Variants in MROH2A observed in about 807,000 individuals in gnomAD.
The protein encoded by MROH2A is maestro heat-like repeat-containing protein family member 2A.
Under a neutral mutation model 200.4 loss-of-function variants are expected in MROH2A, and 174 were observed. That is an observed-to-expected ratio of 0.87 (90% CI 0.77 to 0.98). MROH2A has a LOEUF of 0.98. MROH2A is among the 50% of genes least tolerant of loss of function. The pLI is 0.00. For synonymous variants in MROH2A, 829 were observed against 840.4 expected, an observed-to-expected ratio of 0.99 and a Z score of 0.23; for missense variants, 2,045 against 2,139.6, an observed-to-expected ratio of 0.96 and a Z score of 0.87.
In MROH2A at chr2:233,804,046, T is replaced by A. The variant is rs568560692; in HGVS notation, c.1750-5T>A. On this transcript the variant is annotated splice_polypyrimidine_tract_variant and splice_region_variant and intron_variant, in intron 16 of 41. Coordinates refer to ENST00000389758, the MANE Select transcript of MROH2A (RefSeq NM_001394639.1). ...CTACTTCACTGGAGCCTTGGTGCCCTCCAGGTGCTGATGTCATCACCTTAC... is the reference window on the plus strand; with the variant it reads ...CTACTTCACTGGAGCCTTGGTGCCCACCAGGTGCTGATGTCATCACCTTAC... The A allele has an allele frequency of 1.6e-5, 25 of 1,550,366 alleles. No individual in the cohort carries two copies. In the African/African-American group the frequency reaches 3.1e-4, roughly 20 times the overall value.
In MROH2A at chr2:233,810,875, T is replaced by A. The variant is rs776424659; in HGVS notation, c.2530T>A (p.Phe844Ile). Residue 844 changes from phenylalanine to isoleucine, a missense_variant, in exon 23 of 42, where the codon TTT becomes ATT. Around this residue, in one of 3 missense-constraint regions of MROH2A, gnomAD observed 1,201 missense variants for 1,311.3 expected, o/e 0.92. Transcript: ENST00000389758. The stretch of plus-strand genomic sequence containing the variant: ...CAACAACATCAAGGACCTGGAGGAC[T>A]TTCACTTTGCCCAGAAGACGACTCT... ...AINNIKDLED[F>I]HFAQKTTLTS... 2.8e-5 allele frequency: 44 copies of A among 1,550,414 alleles called. No individual in the cohort carries two copies. The highest frequency in any genetic ancestry group is 3.8e-5 in the Non-Finnish European group (44 of 1,146,866).
In MROH2A at chr2:233,802,309, A is replaced by G. The variant is rs1357975579; in HGVS notation, c.1702A>G (p.Arg568Gly). ...GGATGTCAGCGTGGCTGGCAAGAGC[A>G]GGCAAGGTGGGCAAAGTTCCTGTCC... The part of the protein sequence containing the change: ...DVDVSVAGKS[R>G]QVDLPAPQKL... The change falls in exon 15 of 42, where the codon AGG (arginine) becomes GGG (glycine). Residue 568 changes from arginine to glycine, a missense_variant. Physicochemically the swap from Arg to Gly is moderately radical, Grantham distance 125 (BLOSUM62 -2). Coordinates refer to ENST00000389758, the MANE Select transcript of MROH2A (RefSeq NM_001394639.1). 1 of 1,549,532 alleles carries G rather than the reference A, an allele frequency of 6.5e-7. No homozygotes were observed. The highest frequency in any genetic ancestry group is 2.0e-5 in the Admixed American group (1 of 50,970).
chr2:233,812,060 C>T (rs1405316596), intron 24 of MROH2A, 101 bp downstream of exon 24: 41 of 817,258 alleles, frequency 5.0e-5, no homozygotes, highest in Non-Finnish European at 7.4e-5. Flanking sequence ...TTTTCCTCTC[C>T]TCCCTCTGTA....
intron 19 of MROH2A, 33 bp downstream of exon 19, chr2:233,805,144 AAGG>A: frequency 2.1e-6 from 3 of 1,444,866 alleles, no homozygotes; most frequent in Non-Finnish European, 2.8e-6. Flanking sequence ...GAGTTTGGAC[AAGG>A]AGTAGACTCC....
chr2:233,824,073 C>T (rs528808974), intron 35 of MROH2A, among the ~76,000 whole-genome samples: 1 of 152,278 alleles, frequency 6.6e-6, no homozygotes, highest in East Asian at 1.9e-4. Flanking sequence ...GCAATGATGC[C>T]CAATGCACCC....
At chr2:233,796,114 C>A (rs1035680386) in intron 10 of MROH2A, 69 bp downstream of exon 10, 1 of 1,516,636 alleles carries the variant, frequency 6.6e-7, no homozygotes, top group South Asian at 1.2e-5. Flanking sequence ...GAGTCCCGGC[C>A]CCTCTGAGCG....
intron 3 of MROH2A, among the ~76,000 whole-genome samples, chr2:233,788,673 C>T (rs1190304420): frequency 6.6e-6 from 1 of 151,522 alleles, no homozygotes; most frequent in Non-Finnish European, 1.5e-5. Flanking sequence ...CGTGGTGGCT[C>T]ACGCCTGTAA....
At chr2:233,823,346 T>A (rs922982203) in intron 34 of MROH2A, among the ~76,000 whole-genome samples, 1 of 152,160 alleles carries the variant, frequency 6.6e-6, no homozygotes, top group Non-Finnish European at 1.5e-5. Flanking sequence ...TAGTCCCCTT[T>A]GTAAAAAGGA....
chr2:233,804,969 T>C, intron 18 of MROH2A, 35 bp from the exon 19 acceptor site: 1 of 1,339,090 alleles, frequency 7.5e-7, no homozygotes, highest in South Asian at 1.3e-5. Context: ...ATGAAGGCCT[T>C]TGGCCCTTCT....
In MROH2A at chr2:233,816,828, G is replaced by T; in HGVS notation, c.2904G>T (p.Lys968Asn). The T allele has an allele frequency of 6.4e-7, 1 of 1,550,490 alleles. No homozygotes were observed. Among genetic ancestry groups the T allele is most frequent in the Non-Finnish European group, 8.7e-7 (1 of 1,146,940 alleles). The change falls in exon 27 of 42, where the codon AAG (lysine) becomes AAT (asparagine). Residue 968 changes from lysine to asparagine, a missense_variant. This residue lies in a region of MROH2A where 1,201 missense variants were observed against 1,311.3 expected (regional missense o/e 0.92). Transcript: ENST00000389758. Reference protein sequence around the residue: ...ILSEKEWEREKAVSLHLYLMW... With the variant: ...ILSEKEWERENAVSLHLYLMW... ...CGGAGAAAGAATGGGAGCGGGAAAA[G>T]GCCGTGAGCCTCCATCTCTATCTCA... is the stretch of plus-strand genomic sequence containing the variant.
chr2:233,832,792 C>A (rs1047001469), intron 41 of MROH2A, 148 bp downstream of exon 41: 2 of 638,998 alleles, frequency 3.1e-6, no homozygotes, highest in African/African-American at 1.8e-5. Flanking sequence ...GAGAGATGCA[C>A]CTGGGGAGGC....
intron 9 of MROH2A, 62 bp downstream of exon 9, chr2:233,795,807 G>T: frequency 6.5e-7 from 1 of 1,550,324 alleles, no homozygotes; most frequent in Non-Finnish European, 8.7e-7. Context: ...GGAAGCTGGC[G>T]GCGGGAGGTG....
At chr2:233,813,940 A>G (rs1030462721) in intron 25 of MROH2A, among the ~76,000 whole-genome samples, 162 bp downstream of exon 25, 5 of 152,210 alleles carry the variant, frequency 3.3e-5, no homozygotes, top group Non-Finnish European at 7.3e-5. Flanking sequence ...CTAGCTGTTG[A>G]AACATAAACC....
At chr2:233,779,621 C>T in intron 2 of MROH2A, 50 bp from the exon 3 acceptor site, 1 of 1,533,470 alleles carries the variant, frequency 6.5e-7, no homozygotes, top group Non-Finnish European at 8.8e-7. Context: ...AAGGGCACCT[C>T]CTGTCATGGT....
intron 10 of MROH2A, 25 bp downstream of exon 10, chr2:233,796,070 C>T (rs1192855827): frequency 6.5e-7 from 1 of 1,548,122 alleles, no homozygotes; most frequent in African/African-American, 1.4e-5. Context: ...CAGGGTGCTC[C>T]CTGCCTGCCC....
chr2:233,777,620 C>G (rs897986444), upstream of MROH2A, among the ~76,000 whole-genome samples: 15 of 152,234 alleles, frequency 9.9e-5, no homozygotes, highest in African/African-American at 2.7e-4. Context: ...AATGAGCTCC[C>G]TCGTATTGGA....
intron 39 of MROH2A, among the ~76,000 whole-genome samples, chr2:233,831,821 CAT>C (rs1704776435): frequency 6.6e-6 from 1 of 152,192 alleles, no homozygotes. Flanking sequence ...ATCATTTCAA[CAT>C]GTAATCAGTA....
Position 233,820,032 on chromosome 2 carries a change from T to A in MROH2A, c.3488T>A (p.Leu1163Gln). The A allele has an allele frequency of 6.5e-7, 1 of 1,537,930 alleles. No homozygotes were observed. The highest frequency in any genetic ancestry group is 8.8e-7 in the Non-Finnish European group (1 of 1,138,936). Residue 1163 changes from leucine (L) to glutamine (Q), a missense_variant, in exon 31 of 42, where the codon CTG becomes CAG. Leu to Gln is a moderately radical substitution (Grantham distance 113). This residue lies in a region of MROH2A where 1,201 missense variants were observed against 1,311.3 expected (regional missense o/e 0.92). Transcript: ENST00000389758. This position sits in a 1 kb window ranked among gnomAD's most constrained non-coding sequence, Gnocchi z 4.1. ...CAGGAGACCATCCTCACATCGCTCCTGAGGCAGCCACTGCCCATGGAGAGG... is the reference window on the plus strand; with the variant it reads ...CAGGAGACCATCCTCACATCGCTCCAGAGGCAGCCACTGCCCATGGAGAGG... ...HHQETILTSLLRQPLPMESHL... is the reference protein window; with the variant it reads ...HHQETILTSLQRQPLPMESHL...
At chr2:233,813,235 C>A (rs998646233) in intron 24 of MROH2A, among the ~76,000 whole-genome samples, 3 of 151,886 alleles carry the variant, frequency 2.0e-5, no homozygotes, top group African/African-American at 7.3e-5. Flanking sequence ...TTGGCTGGGG[C>A]CATAGAATTT....
Sources: allele counts gnomAD v4.1 joint callset (sites outside exome capture counted in the v4.1 genomes callset), GRCh38; gene constraint gnomAD v4.1.1; regional missense constraint gnomAD v4.1.1; non-coding constraint Gnocchi (gnomAD v3.1); transcripts MANE v1.5; gene names NCBI Gene and HGNC (gene_info 2026-07-23, HGNC 2026-07-21).